The following CTNNA2 variants were observed in gnomAD, a reference collection of about 807,000 sequenced individuals.
CTNNA2 encodes catenin alpha-2.
Under a neutral mutation model 101.0 loss-of-function variants are expected in CTNNA2, and 42 were observed. The observed-to-expected ratio is 0.42, with a 90% CI of 0.32 to 0.54. The LOEUF (loss-of-function observed/expected upper bound fraction) is 0.54. CTNNA2 is among the 20% of genes least tolerant of loss of function. The pLI, the probability that CTNNA2 is intolerant of heterozygous loss-of-function variation, is 0.14. For synonymous variants in CTNNA2, 450 were observed against 456.4 expected, an observed-to-expected ratio of 0.99 and a Z score of 0.18; for missense variants, 871 against 1,223.1, an observed-to-expected ratio of 0.71 and a Z score of 4.29.
intron 7 of CTNNA2, among the ~76,000 whole-genome samples, chr2:80,256,650 GAAC>G (rs1387137632): frequency 6.6e-6 from 1 of 152,076 alleles, no homozygotes; most frequent in African/African-American, 2.4e-5. Context: ...CCTTCCACTT[GAAC>G]AACTTCAGTA....
At chr2:79,411,444 A>G (rs1413679848) in intron 4 of CTNNA2, among the ~76,000 whole-genome samples, 1 of 151,822 alleles carries the variant, frequency 6.6e-6, no homozygotes, top group African/African-American at 2.4e-5. Flanking sequence ...ATTTAGTGCT[A>G]TAAATTTCCA....
chr2:80,622,088 T>C (rs1573483241), intron 18 of CTNNA2, among the ~76,000 whole-genome samples: 2 of 151,942 alleles, frequency 1.3e-5, no homozygotes, highest in East Asian at 3.9e-4. Context: ...CAAAATGTAT[T>C]GCTTACAGTT....
chr2:79,582,371 C>G (rs549784119), intron 1 of CTNNA2, among the ~76,000 whole-genome samples: 69 of 152,102 alleles, frequency 4.5e-4, no homozygotes, highest in Non-Finnish European at 8.4e-4. Flanking sequence ...TTAGTAATTA[C>G]CTACCATATA....
At chr2:79,652,340 T>G (rs1330224271) in intron 2 of CTNNA2, among the ~76,000 whole-genome samples, 2 of 152,038 alleles carry the variant, frequency 1.3e-5, no homozygotes, top group Non-Finnish European at 2.9e-5. Context: ...CAGCACAAAT[T>G]TATTATTCTA....
At chr2:79,394,450 C>T (rs891957192) in intron 4 of CTNNA2, among the ~76,000 whole-genome samples, 6 of 152,086 alleles carry the variant, frequency 3.9e-5, no homozygotes, top group African/African-American at 9.7e-5. Context: ...ATGGTAAATA[C>T]GTAACAGAAA....
At chr2:79,958,010 T>C (rs540205333) in intron 7 of CTNNA2, among the ~76,000 whole-genome samples, 1 of 152,344 alleles carries the variant, frequency 6.6e-6, no homozygotes, top group Admixed American at 6.5e-5. Context: ...CAGTCAAAAT[T>C]ACTTCAAATA....
intron 7 of CTNNA2, among the ~76,000 whole-genome samples, chr2:79,970,997 T>C (rs1690441224): frequency 6.6e-6 from 1 of 152,190 alleles, no homozygotes; most frequent in South Asian, 2.1e-4. Flanking sequence ...TTTACACAAA[T>C]GGCTTCTGTA....
intron 7 of CTNNA2, among the ~76,000 whole-genome samples, chr2:80,064,931 A>C (rs1377082523): frequency 6.6e-6 from 1 of 152,256 alleles, no homozygotes; most frequent in Non-Finnish European, 1.5e-5. Flanking sequence ...CACATCTATT[A>C]GATCAGTAAA....
intron 4 of CTNNA2, among the ~76,000 whole-genome samples, chr2:79,490,686 A>G (rs1671200147): frequency 6.6e-6 from 1 of 152,340 alleles, no homozygotes; most frequent in East Asian, 1.9e-4. Context: ...GCAAAGACTT[A>G]GACTTCTCAC....
intron 3 of CTNNA2, among the ~76,000 whole-genome samples, chr2:79,775,135 G>A (rs189348717): frequency 7.3e-4 from 111 of 152,208 alleles, no homozygotes; most frequent in African/African-American, 2.6e-3. Context: ...CATTTGGTAT[G>A]GTTGACAAGG....
chr2:80,490,271 T>TCC (rs1185906142), intron 9 of CTNNA2, among the ~76,000 whole-genome samples: 1,785 of 51,698 alleles, frequency 0.035, 1 homozygote, highest in African/African-American at 0.066. Context: ...TTTTTTTCCT[T>TCC]CCCCCCCCAC....
chr2:79,863,633 G>A (rs1681808852), intron 4 of CTNNA2, among the ~76,000 whole-genome samples: 1 of 152,144 alleles, frequency 6.6e-6, no homozygotes, highest in South Asian at 2.1e-4. Context: ...GAATAACAAG[G>A]GATTAGCTCA....
chr2:80,210,059 C>G (rs1707789593), intron 7 of CTNNA2, among the ~76,000 whole-genome samples: 1 of 152,096 alleles, frequency 6.6e-6, no homozygotes, highest in Non-Finnish European at 1.5e-5. Context: ...CGATAGGATC[C>G]TAGTCATATA....
At chr2:80,342,225 G>T (rs1451030285) in intron 7 of CTNNA2, among the ~76,000 whole-genome samples, 1 of 152,192 alleles carries the variant, frequency 6.6e-6, no homozygotes, top group African/African-American at 2.4e-5. Context: ...TCATTAAATT[G>T]TATGCTTTGA....
chr2:80,460,378 C>T (rs1376064087), intron 9 of CTNNA2, among the ~76,000 whole-genome samples: 1 of 152,032 alleles, frequency 6.6e-6, no homozygotes, highest in Non-Finnish European at 1.5e-5. Flanking sequence ...TACTCCAGTG[C>T]TTTTTAGATC....
intron 7 of CTNNA2, among the ~76,000 whole-genome samples, chr2:80,094,909 A>G (rs1357907471): frequency 1.3e-5 from 2 of 152,188 alleles, no homozygotes; most frequent in Non-Finnish European, 2.9e-5. Flanking sequence ...TTTGGGTGAG[A>G]CAATGGGGTT....
intron 2 of CTNNA2, among the ~76,000 whole-genome samples, chr2:79,277,705 C>A (rs1166550768): frequency 1.3e-5 from 2 of 152,094 alleles, no homozygotes; most frequent in African/African-American, 4.8e-5. Context: ...TTCAAACCTA[C>A]ATGTTTGACC....
At chr2:79,234,701 T>C (rs982640802) in intron 2 of CTNNA2, among the ~76,000 whole-genome samples, 3 of 152,200 alleles carry the variant, frequency 2.0e-5, no homozygotes, top group African/African-American at 7.2e-5. Context: ...CATAATCCTA[T>C]ATTTATTGAA....
chr2:80,361,496 A>G (rs1432969633), intron 7 of CTNNA2, among the ~76,000 whole-genome samples: 1 of 152,256 alleles, frequency 6.6e-6, no homozygotes, highest in Admixed American at 6.5e-5. Context: ...CACAAACTAC[A>G]TGTAGTTTCT....
Sources: gnomAD v4.1 joint callset for allele counts (sites outside exome capture counted in the v4.1 genomes callset) on GRCh38, gnomAD v4.1.1 for gene constraint, MANE v1.5 for transcripts, NCBI Gene and HGNC (gene_info 2026-07-23, HGNC 2026-07-21) for gene names.